Variants in SLC24A2 observed in about 807,000 individuals in gnomAD.
SLC24A2 encodes sodium/potassium/calcium exchanger 2.
A neutral mutation model predicts 62.0 loss-of-function variants in SLC24A2; 36 were observed. The ratio of observed to expected loss-of-function variants is 0.58; its 90% CI spans 0.44 to 0.77. The LOEUF is 0.77. Among genes scored for constraint, SLC24A2 ranks in the 30% least tolerant of loss-of-function variants. SLC24A2 has a pLI of 0.00. For missense variants in SLC24A2, 846 were observed against 817.9 expected (o/e 1.03, Z -0.42); for synonymous variants, 358 against 294.0 (o/e 1.22, Z -2.23).
chr9:20,131,632 T>C, the SLC24A2 span, among the ~76,000 whole-genome samples: 2 of 152,168 alleles, frequency 1.3e-5, no homozygotes, highest in Non-Finnish European at 2.9e-5. Flanking sequence ...ATTATTCTTA[T>C]TCCTGTGGGT....
chr9:19,857,846 TG>T, the SLC24A2 span, among the ~76,000 whole-genome samples: 1 of 152,132 alleles, frequency 6.6e-6, no homozygotes, highest in African/African-American at 2.4e-5. Flanking sequence ...TTTCGTCCTT[TG>T]CAGTCTGGGT....
the SLC24A2 span, among the ~76,000 whole-genome samples, chr9:19,980,821 T>C: frequency 6.6e-6 from 1 of 152,146 alleles, no homozygotes; most frequent in Non-Finnish European, 1.5e-5. Flanking sequence ...GGATAACATG[T>C]ACATTCCTAG....
intron 7 of SLC24A2, among the ~76,000 whole-genome samples, chr9:19,565,812 A>G (rs1253058271): frequency 6.6e-6 from 1 of 152,154 alleles, no homozygotes; most frequent in Non-Finnish European, 1.5e-5. Flanking sequence ...ATAATACCAC[A>G]CATCTATAAC....
chr9:20,000,434 G>C, the SLC24A2 span, among the ~76,000 whole-genome samples: 8 of 152,268 alleles, frequency 5.3e-5, no homozygotes, highest in African/African-American at 1.7e-4. Flanking sequence ...TGGAGTTTCA[G>C]AGACTTTTGT....
chr9:19,708,120 C>T (rs1820591838), intron 2 of SLC24A2, among the ~76,000 whole-genome samples: 1 of 152,096 alleles, frequency 6.6e-6, no homozygotes, highest in African/African-American at 2.4e-5. Flanking sequence ...AACAGACAAA[C>T]AGAGAGCCAA....
At chr9:19,746,204 T>A (rs189806551) in intron 2 of SLC24A2, among the ~76,000 whole-genome samples, 1 of 152,170 alleles carries the variant, frequency 6.6e-6, no homozygotes. Flanking sequence ...GGCTCTCTTG[T>A]TCTCAGTGCC....
the SLC24A2 span, among the ~76,000 whole-genome samples, chr9:19,932,858 C>T: frequency 6.6e-6 from 1 of 152,242 alleles, no homozygotes; most frequent in African/African-American, 2.4e-5. Flanking sequence ...CCTCATCTCA[C>T]CCCGTCCTAC....
the SLC24A2 span, among the ~76,000 whole-genome samples, chr9:20,167,006 C>A: frequency 1.3e-5 from 2 of 151,800 alleles, no homozygotes; most frequent in Admixed American, 6.6e-5. Context: ...ACACCCAGCT[C>A]TTTTTTTATT....
chr9:19,517,907 TAA>T (rs1491455483), intron 10 of SLC24A2, among the ~76,000 whole-genome samples: 1 of 105,122 alleles, frequency 9.5e-6, no homozygotes, highest in Non-Finnish European at 1.9e-5. Flanking sequence ...TTATTCTTAT[TAA>T]AACACACACA....
chr9:19,593,579 T>C (rs977067170), intron 5 of SLC24A2, among the ~76,000 whole-genome samples: 4 of 152,204 alleles, frequency 2.6e-5, no homozygotes, highest in African/African-American at 7.2e-5. Context: ...ACAGTGTTCA[T>C]GTAGAAAGAA....
the SLC24A2 span, among the ~76,000 whole-genome samples, chr9:19,891,361 A>G: frequency 6.6e-6 from 1 of 152,174 alleles, no homozygotes; most frequent in Non-Finnish European, 1.5e-5. Context: ...CTAATATAAA[A>G]CAGATATATT....
chr9:19,704,548 T>TAA (rs1212935840), intron 2 of SLC24A2, among the ~76,000 whole-genome samples: 1 of 152,192 alleles, frequency 6.6e-6, no homozygotes, highest in Non-Finnish European at 1.5e-5. Flanking sequence ...AAAATATAAA[T>TAA]AATAAAACTA....
chr9:20,287,074 G>A, the SLC24A2 span, among the ~76,000 whole-genome samples: 1 of 152,180 alleles, frequency 6.6e-6, no homozygotes, highest in Non-Finnish European at 1.5e-5. Context: ...AAATAAACAT[G>A]CCAGGGTAAG....
chr9:20,192,755 A>G, the SLC24A2 span, among the ~76,000 whole-genome samples: 7 of 152,200 alleles, frequency 4.6e-5, no homozygotes, highest in Admixed American at 4.6e-4. Flanking sequence ...CCTGGGCATC[A>G]GTATTTTTTT....
chr9:19,561,136 G>C (rs1221558492), intron 7 of SLC24A2, among the ~76,000 whole-genome samples: 1 of 151,364 alleles, frequency 6.6e-6, no homozygotes, highest in Non-Finnish European at 1.5e-5. Context: ...TACCATGTTG[G>C]CCAGGCTGGT....
the SLC24A2 span, among the ~76,000 whole-genome samples, chr9:19,800,771 G>A: frequency 2.0e-5 from 3 of 151,948 alleles, no homozygotes; most frequent in Non-Finnish European, 2.9e-5. Context: ...ATGATGTAAT[G>A]GACATAATTA....
intron 2 of SLC24A2, among the ~76,000 whole-genome samples, chr9:19,654,465 A>T (rs553348985): frequency 5.2e-4 from 79 of 152,158 alleles, no homozygotes; most frequent in African/African-American, 1.7e-3. Flanking sequence ...TAGTGGCACC[A>T]CTTCTCTGCC....
At chr9:19,727,799 T>G (rs1821215180) in intron 2 of SLC24A2, among the ~76,000 whole-genome samples, 2 of 152,170 alleles carry the variant, frequency 1.3e-5, no homozygotes. Flanking sequence ...GTCTGATCAG[T>G]TTTACATTTA....
At chr9:19,572,673 G>A (rs545522012) in intron 7 of SLC24A2, among the ~76,000 whole-genome samples, 1 of 152,312 alleles carries the variant, frequency 6.6e-6, no homozygotes, top group Non-Finnish European at 1.5e-5. Context: ...TTCTTCATAA[G>A]TTCTCTATAG....
Sources: gnomAD v4.1 joint callset for allele counts (sites outside exome capture counted in the v4.1 genomes callset) on GRCh38, gnomAD v4.1.1 for gene constraint, MANE v1.5 for transcripts, NCBI Gene and HGNC (gene_info 2026-07-23, HGNC 2026-07-21) for gene names.